NLGN1: variants seen among roughly 807,000 people sequenced by gnomAD.
NLGN1 encodes the protein neuroligin-1.
In NLGN1, 12 loss-of-function variants were observed where a neutral mutation model predicts 65.5. The observed-to-expected ratio is 0.18, with a 90% CI of 0.12 to 0.30. The LOEUF is 0.30. NLGN1 is among the 10% of genes least tolerant of loss of function. The probability of loss-of-function intolerance (pLI) is 1.00; values close to 1 mark genes in which losing one functional copy is unlikely to be tolerated. For missense variants in NLGN1, 750 were observed against 1,007.1 expected, an observed-to-expected ratio of 0.74 and a Z score of 3.46; for synonymous variants, 350 against 359.5, an observed-to-expected ratio of 0.97 and a Z score of 0.30.
At chr3:174,065,506 G>A (rs966952204) in intron 4 of NLGN1, among the ~76,000 whole-genome samples, 9 of 151,992 alleles carry the variant, frequency 5.9e-5, no homozygotes, top group Non-Finnish European at 1.3e-4. Flanking sequence ...TAATTCAAGC[G>A]TGATTTAAAC....
chr3:173,651,145 A>G (rs961341463), intron 3 of NLGN1, among the ~76,000 whole-genome samples: 2 of 151,798 alleles, frequency 1.3e-5, no homozygotes, highest in African/African-American at 2.4e-5. Flanking sequence ...TCATGTCTAC[A>G]CGCTGTTTAG....
chr3:174,069,981 T>A (rs1739464526), intron 4 of NLGN1, among the ~76,000 whole-genome samples: 1 of 152,136 alleles, frequency 6.6e-6, no homozygotes, highest in Non-Finnish European at 1.5e-5. Flanking sequence ...ATTGTAAGGA[T>A]TAAATGAGAT....
chr3:173,551,182 T>C (rs1046627553), intron 2 of NLGN1, among the ~76,000 whole-genome samples: 2 of 152,172 alleles, frequency 1.3e-5, no homozygotes, highest in African/African-American at 4.8e-5. Context: ...TCACAGAAAT[T>C]AGAGGAATCT....
intron 4 of NLGN1, among the ~76,000 whole-genome samples, chr3:174,212,072 G>C (rs1446283824): frequency 6.6e-6 from 1 of 152,188 alleles, no homozygotes; most frequent in African/African-American, 2.4e-5. Context: ...ACGGAGGCGG[G>C]GGAAGGCTCA....
chr3:173,766,541 G>T (rs1460441100), intron 3 of NLGN1, among the ~76,000 whole-genome samples: 1 of 152,010 alleles, frequency 6.6e-6, no homozygotes, highest in Non-Finnish European at 1.5e-5. Context: ...GACTATATTA[G>T]GTATGTGCTT....
At chr3:173,515,394 T>C (rs1256545743) in intron 2 of NLGN1, among the ~76,000 whole-genome samples, 2 of 152,158 alleles carry the variant, frequency 1.3e-5, no homozygotes, top group East Asian at 3.8e-4. Flanking sequence ...TAAACGCTTA[T>C]CAGATATATG....
At chr3:173,979,790 G>A (rs185638478) in intron 4 of NLGN1, among the ~76,000 whole-genome samples, 15 of 152,204 alleles carry the variant, frequency 9.9e-5, no homozygotes, top group Admixed American at 2.0e-4. Context: ...GTTATTGACT[G>A]CTTGTGCATG....
intron 2 of NLGN1, among the ~76,000 whole-genome samples, chr3:173,467,320 C>A (rs1256210055): frequency 2.0e-5 from 3 of 151,758 alleles, no homozygotes; most frequent in African/African-American, 7.3e-5. Context: ...TACATTGCTT[C>A]CATTTTTCAT....
intron 4 of NLGN1, chr3:173,912,584 A>G (rs1242660410): frequency 6.6e-6 from 1 of 152,152 alleles, no homozygotes; most frequent in Non-Finnish European, 1.5e-5. Flanking sequence ...ATGCAGTATC[A>G]TCTCTAAAAA....
At chr3:173,451,089 G>A (rs1204463402) in intron 2 of NLGN1, among the ~76,000 whole-genome samples, 1 of 152,128 alleles carries the variant, frequency 6.6e-6, no homozygotes, top group Non-Finnish European at 1.5e-5. Context: ...GTCTAGCTTT[G>A]TTCCATTGCT....
At chr3:173,672,399 A>G (rs1762566463) in intron 3 of NLGN1, among the ~76,000 whole-genome samples, 1 of 152,184 alleles carries the variant, frequency 6.6e-6, no homozygotes, top group Non-Finnish European at 1.5e-5. Context: ...AATGCTTACG[A>G]GATTTGCATA....
At chr3:173,539,698 GCACATATATA>G (rs943400836) in intron 2 of NLGN1, among the ~76,000 whole-genome samples, 5 of 130,744 alleles carry the variant, frequency 3.8e-5, no homozygotes, top group African/African-American at 1.5e-4. Flanking sequence ...ATGTACATAT[GCACATATATA>G]CATATATGTA....
intron 4 of NLGN1, among the ~76,000 whole-genome samples, chr3:174,060,803 G>GT (rs1239644359): frequency 6.6e-6 from 1 of 152,034 alleles, no homozygotes; most frequent in Non-Finnish European, 1.5e-5. Context: ...AGTGTTGTGA[G>GT]TTATATAATG....
Position 173,794,748 on chromosome 3 carries a change from T to G in NLGN1, c.494-12932T>G, listed in dbSNP as rs1713641746. Among the ~76,000 whole-genome samples, 3 of 152,182 alleles carry G rather than the reference T, an allele frequency of 2.0e-5. No individual in the cohort carries two copies. The South Asian group carries it at 6.2e-4, about 31-fold the overall frequency. The stretch of plus-strand genomic sequence containing the variant: ...TGCTGATGCTCAGGTTAGGGGTTAG[T>G]CTATTTAATTTACTTTTTATCTACT... On this transcript the variant is annotated intron_variant, in intron 3 of 6. Transcript: ENST00000457714.
intron 2 of NLGN1, among the ~76,000 whole-genome samples, chr3:173,489,349 C>T (rs1334992742): frequency 6.6e-6 from 1 of 151,926 alleles, no homozygotes; most frequent in African/African-American, 2.4e-5. Flanking sequence ...GGTTTTTGTC[C>T]TTGTGATAGT....
At chr3:174,082,275 A>G (rs1742393768) in intron 4 of NLGN1, among the ~76,000 whole-genome samples, 1 of 152,152 alleles carries the variant, frequency 6.6e-6, no homozygotes, top group Non-Finnish European at 1.5e-5. Flanking sequence ...ATGACTACCC[A>G]GCACTCACTT....
chr3:173,964,334 C>T (rs1579450328), intron 4 of NLGN1, among the ~76,000 whole-genome samples: 2 of 152,190 alleles, frequency 1.3e-5, no homozygotes, highest in Middle Eastern at 3.4e-3. Flanking sequence ...ACACATTGTC[C>T]GTGATAGAAA....
rs750329028 is a variant in NLGN1 at position 174,275,545 on chromosome 3, AAATTTTGAC to A, written c.859+26_859+34del. On this transcript the variant is annotated intron_variant, in intron 5 of 6. Transcript: ENST00000457714. ...AACCAAAGGTATTATGCAAGGTTGC[AAATTTTGAC>A]AATTTTGGTGTCTGCATGCCACCAC... 1.6e-5 allele frequency: 26 copies of A among 1,582,024 alleles called. No individual in the cohort carries two copies. In the Admixed American group the frequency reaches 4.0e-4, roughly 24 times the overall value.
intron 3 of NLGN1, among the ~76,000 whole-genome samples, chr3:173,663,332 A>T (rs1306506284): frequency 6.6e-6 from 1 of 152,020 alleles, no homozygotes; most frequent in Non-Finnish European, 1.5e-5. Context: ...CTGATTTGCT[A>T]AAAAAATTCC....
Sources: gnomAD v4.1 joint callset for allele counts (sites outside exome capture counted in the v4.1 genomes callset) on GRCh38, gnomAD v4.1.1 for gene constraint, MANE v1.5 for transcripts, NCBI Gene and HGNC (gene_info 2026-07-23, HGNC 2026-07-21) for gene names.